NRG3: variants seen among roughly 807,000 people sequenced by gnomAD.
The protein encoded by NRG3 is neuregulin 3.
NRG3 carries 31 observed loss-of-function variants against 66.9 expected under a neutral mutation model. The observed-to-expected ratio is 0.46, with a 90% CI of 0.35 to 0.63. NRG3 has a LOEUF of 0.63. Ranked by LOEUF, NRG3 falls within the 20% of genes least tolerant of loss-of-function variation. The pLI, the probability that NRG3 is intolerant of heterozygous loss-of-function variation, is 0.00. For synonymous variants in NRG3, 393 were observed against 359.4 expected, an observed-to-expected ratio of 1.09 and a Z score of -1.06; for missense variants, 910 against 878.9, an observed-to-expected ratio of 1.04 and a Z score of -0.45.
chr10:82,630,810 A>T (rs941165231), intron 2 of NRG3, among the ~76,000 whole-genome samples: 2 of 152,202 alleles, frequency 1.3e-5, no homozygotes, highest in Non-Finnish European at 2.9e-5. Context: ...ATATTCCTTA[A>T]ATAGATACAC....
At chr10:82,576,100 G>C (rs1245938082) in intron 2 of NRG3, among the ~76,000 whole-genome samples, 2 of 151,716 alleles carry the variant, frequency 1.3e-5, no homozygotes, top group Non-Finnish European at 2.9e-5. Flanking sequence ...TTAGTCTGGG[G>C]AAAGTATAGT....
intron 2 of NRG3, among the ~76,000 whole-genome samples, chr10:82,432,361 C>T (rs2136334383): frequency 1.3e-5 from 2 of 152,064 alleles, no homozygotes; most frequent in Middle Eastern, 3.4e-3. Context: ...TCTTTCTGTG[C>T]TTGGCTTATT....
chr10:82,422,257 G>T (rs1194579633), intron 2 of NRG3, among the ~76,000 whole-genome samples: 3 of 152,050 alleles, frequency 2.0e-5, no homozygotes, highest in African/African-American at 7.2e-5. Context: ...AAAGGGATAA[G>T]AAAATGTAGA....
rs548330792 is a variant in NRG3 at position 82,499,852 on chromosome 10, C to T, written c.953+140984C>T. The stretch of plus-strand genomic sequence containing the variant: ...AGGTAAATTCTCACTCCACGGTGTA[C>T]AGGCTAAGCCTCAGCTTGAAAGTTG... On this transcript the variant is annotated intron_variant, in intron 2 of 8. Coordinates refer to ENST00000372141, the MANE Select transcript of NRG3 (RefSeq NM_001010848.4). 3.3e-5 allele frequency among the ~76,000 whole-genome samples: 5 copies of T among 152,278 alleles called. No individual in the cohort carries two copies. In the South Asian group the frequency reaches 1.0e-3, roughly 32 times the overall value.
intron 4 of NRG3, among the ~76,000 whole-genome samples, chr10:82,929,600 A>G (rs1049505985): frequency 1.3e-5 from 2 of 152,068 alleles, no homozygotes. Flanking sequence ...TTTGATTCCA[A>G]CAGAAATGTG....
intron 1 of NRG3, among the ~76,000 whole-genome samples, chr10:81,888,236 C>T (rs1420271956): frequency 1.3e-5 from 2 of 152,086 alleles, no homozygotes; most frequent in Admixed American, 6.6e-5. Flanking sequence ...TCCCTTTTGA[C>T]GTAAGCCTTT....
chr10:82,804,781 G>A (rs995246074), intron 3 of NRG3, among the ~76,000 whole-genome samples: 18 of 152,076 alleles, frequency 1.2e-4, no homozygotes, highest in East Asian at 1.9e-4. Flanking sequence ...GAATGCAGAC[G>A]GTCAAAATTG....
Position 81,875,974 on chromosome 10 carries a change from G to C in NRG3, c.634G>C (p.Val212Leu), listed in dbSNP as rs146465683. The change falls in exon 1 of 9, where the codon GTG becomes CTG. Residue 212 changes from valine (V) to leucine (L), a missense_variant. Physicochemically the swap from Val to Leu is conservative, Grantham distance 32. Transcript: ENST00000372141. The surrounding 1 kb of genome is among the most constrained non-coding windows in gnomAD (Gnocchi z 5.3). Reference protein sequence around the residue: ...SSSTLGSRPPVPGTPSTQAMP... With the variant: ...SSSTLGSRPPLPGTPSTQAMP... ...CAGCACGCTGGGCTCCCGACCCCCG[G>C]TGCCAGGAACTCCAAGTACCCAGGC... is the stretch of plus-strand genomic sequence containing the variant. 24 of 1,613,872 alleles carry C rather than the reference G, an allele frequency of 1.5e-5. No homozygotes were observed. The highest frequency in any genetic ancestry group is 2.7e-5 in the African/African-American group (2 of 74,928).
chr10:82,212,766 A>G (rs1162102292), intron 1 of NRG3, among the ~76,000 whole-genome samples: 2 of 152,226 alleles, frequency 1.3e-5, no homozygotes, highest in Non-Finnish European at 2.9e-5. Context: ...CCATTTATCT[A>G]TTTAGTATAC....
chr10:82,003,189 T>C (rs1215634020), intron 1 of NRG3, among the ~76,000 whole-genome samples: 1 of 152,120 alleles, frequency 6.6e-6, no homozygotes, highest in African/African-American at 2.4e-5. Context: ...TGGCCTTGTG[T>C]TTAGTTAGGA....
At chr10:82,344,333 G>A (rs548822291) in intron 1 of NRG3, among the ~76,000 whole-genome samples, 12 of 151,238 alleles carry the variant, frequency 7.9e-5, no homozygotes, top group African/African-American at 2.0e-4. Context: ...TTGTTCTTGC[G>A]ATAGTTTACT....
intron 3 of NRG3, among the ~76,000 whole-genome samples, chr10:82,783,608 T>C (rs956716242): frequency 6.6e-6 from 1 of 152,192 alleles, no homozygotes; most frequent in South Asian, 2.1e-4. Context: ...CCATTCACAA[T>C]TGCTTCAAAG....
chr10:82,784,295 T>A (rs892673691), intron 3 of NRG3, among the ~76,000 whole-genome samples: 1 of 151,348 alleles, frequency 6.6e-6, no homozygotes, highest in South Asian at 2.1e-4. Context: ...GACATAGGCA[T>A]GGGCAAGGAC....
chr10:82,181,941 T>C (rs1432470520), intron 1 of NRG3, among the ~76,000 whole-genome samples: 1 of 151,872 alleles, frequency 6.6e-6, no homozygotes, highest in Non-Finnish European at 1.5e-5. Flanking sequence ...TCTGATATTG[T>C]ATACATATGT....
chr10:82,565,057 C>G (rs1332446946), intron 2 of NRG3, among the ~76,000 whole-genome samples: 2 of 152,044 alleles, frequency 1.3e-5, no homozygotes, highest in African/African-American at 4.8e-5. Context: ...AAGAGTTTGT[C>G]ATAAGGATAC....
intron 1 of NRG3, among the ~76,000 whole-genome samples, chr10:82,109,575 G>GTATA (rs1275822158): frequency 1.7e-5 from 2 of 118,604 alleles, no homozygotes; most frequent in African/African-American, 7.2e-5. Flanking sequence ...GTGTGTGTGT[G>GTATA]TGTATATATA....
chr10:82,217,939 AT>A lies in NRG3; in HGVS notation c.824-140793del, dbSNP rs1564675176. Among the ~76,000 whole-genome samples, 7 of 151,996 alleles carry A rather than the reference AT, an allele frequency of 4.6e-5. No homozygotes were observed. In the South Asian group the frequency reaches 1.0e-3, roughly 23 times the overall value. ...AATTAATTTTTATTTCACTATGAATATTTTTTTCTAGCCCCTACTTTCATTT... is the reference window on the plus strand; with the variant it reads ...AATTAATTTTTATTTCACTATGAATATTTTTTCTAGCCCCTACTTTCATTT... On this transcript the variant is annotated intron_variant, in intron 1 of 8. Coordinates refer to ENST00000372141, the MANE Select transcript of NRG3 (RefSeq NM_001010848.4).
chr10:82,223,548 GA>G (rs2076032440), intron 1 of NRG3, among the ~76,000 whole-genome samples: 1 of 151,642 alleles, frequency 6.6e-6, no homozygotes. Context: ...TTGAACAATG[GA>G]AAAAATTGAT....
rs1268632166 is a variant in NRG3 at position 81,901,803 on chromosome 10, TG to T, written c.823+25641del. ...TTAAATATAGTTAACTCTAAGGTTA[TG>T]AGGAGAGATTGTGGGACTTGGAGGA... On this transcript the variant is annotated intron_variant, in intron 1 of 8. Transcript: ENST00000372141. Among the ~76,000 whole-genome samples the T allele has an allele frequency of 5.3e-5, 8 of 152,312 alleles. No individual in the cohort carries two copies. In the South Asian group the frequency reaches 1.0e-3, roughly 20 times the overall value.
Sources: gnomAD v4.1 joint callset for allele counts (sites outside exome capture counted in the v4.1 genomes callset) on GRCh38, gnomAD v4.1.1 for gene constraint, Gnocchi (gnomAD v3.1) non-coding constraint, MANE v1.5 for transcripts, NCBI Gene and HGNC (gene_info 2026-07-23, HGNC 2026-07-21) for gene names.